SYT1: variants seen among roughly 807,000 people sequenced by gnomAD.
SYT1 encodes synaptotagmin 1.
Under a neutral mutation model 44.8 loss-of-function variants are expected in SYT1, and 8 were observed. The observed-to-expected ratio is 0.18, with a 90% CI of 0.10 to 0.32. The LOEUF is 0.32. Ranked by LOEUF, SYT1 falls within the 10% of genes least tolerant of loss-of-function variation. The probability of loss-of-function intolerance (pLI) is 1.00; values close to 1 mark genes in which losing one functional copy is unlikely to be tolerated. For missense variants in SYT1, 286 were observed against 509.3 expected (o/e 0.56, Z 4.22); for synonymous variants, 154 against 188.8 (o/e 0.82, Z 1.51).
At chr12:78,952,633 A>G (rs1228811632) in intron 1 of SYT1, among the ~76,000 whole-genome samples, 3 of 152,116 alleles carry the variant, frequency 2.0e-5, no homozygotes, top group African/African-American at 4.8e-5. Context: ...CAGTTTTGTC[A>G]TGTTTTAGGT....
chr12:78,938,698 C>A lies in SYT1; in HGVS notation c.-216-39101C>A, dbSNP rs148958168. On this transcript the variant is annotated intron_variant, in intron 1 of 10. Coordinates refer to ENST00000261205, the MANE Select transcript of SYT1 (RefSeq NM_005639.3). The stretch of plus-strand genomic sequence containing the variant: ...CATCATTCATGATTTACTCATAACA[C>A]AAATTAAAAAATAATTTTGAAATAA... 1.8e-3 allele frequency among the ~76,000 whole-genome samples: 277 copies of A among 152,208 alleles called. 1 individual carries two copies. The highest frequency in any genetic ancestry group is 0.017 in the Middle Eastern group (5 of 294).
At chr12:78,868,316 G>A (rs186213580) in intron 1 of SYT1, among the ~76,000 whole-genome samples, 343 of 152,024 alleles carry the variant, frequency 2.3e-3, no homozygotes, top group African/African-American at 7.7e-3. Flanking sequence ...TTCTGCCATT[G>A]TGTAATGTAG....
At chr12:79,068,412 T>C (rs1303180628) in intron 3 of SYT1, among the ~76,000 whole-genome samples, 1 of 152,154 alleles carries the variant, frequency 6.6e-6, no homozygotes, top group Non-Finnish European at 1.5e-5. Flanking sequence ...GAATTAATTA[T>C]AATTGGGCCT....
chr12:79,127,698 G>A (rs1393309260), intron 3 of SYT1, among the ~76,000 whole-genome samples: 1 of 152,190 alleles, frequency 6.6e-6, no homozygotes, highest in Non-Finnish European at 1.5e-5. Flanking sequence ...CTGCATTTGT[G>A]TGACTGTTTC....
At chr12:79,317,718 A>G (rs1881162170) in intron 8 of SYT1, among the ~76,000 whole-genome samples, 1 of 152,198 alleles carries the variant, frequency 6.6e-6, no homozygotes, top group Non-Finnish European at 1.5e-5. Context: ...ATTTACCAAC[A>G]ACAGCATAGG....
intron 2 of SYT1, among the ~76,000 whole-genome samples, chr12:79,040,086 G>T (rs922738187): frequency 4.3e-4 from 66 of 151,966 alleles, no homozygotes; most frequent in East Asian, 1.9e-3. Context: ...TAAACATACG[G>T]GTGCATGTGT....
chr12:78,902,237 T>TATAAAG (rs146916083), intron 1 of SYT1, among the ~76,000 whole-genome samples: 12,453 of 151,906 alleles, frequency 0.082, 592 homozygotes, highest in African/African-American at 0.13. Context: ...ATGCTGATCA[T>TATAAAG]ATAATCGCAA....
At chr12:79,266,603 G>T (rs1308649105) in intron 4 of SYT1, among the ~76,000 whole-genome samples, 2 of 152,244 alleles carry the variant, frequency 1.3e-5, no homozygotes, top group Admixed American at 6.5e-5. Context: ...AGACTGACAG[G>T]TATAGGGAAG....
chr12:79,070,402 AT>A (rs893263082), intron 3 of SYT1, among the ~76,000 whole-genome samples: 7 of 150,920 alleles, frequency 4.6e-5, no homozygotes, highest in East Asian at 3.9e-4. Context: ...TTTCAGGCTC[AT>A]TTTTTTTTAG....
At chr12:79,047,070 A>G (rs2137766434) in intron 2 of SYT1, among the ~76,000 whole-genome samples, 1 of 152,030 alleles carries the variant, frequency 6.6e-6, no homozygotes, top group East Asian at 1.9e-4. Context: ...AAATCAGTAT[A>G]TAAACTATCC....
chr12:79,033,862 C>T (rs780059831), intron 2 of SYT1, among the ~76,000 whole-genome samples: 60 of 151,498 alleles, frequency 4.0e-4, no homozygotes, highest in Non-Finnish European at 4.7e-4. Context: ...CTAGTACTTA[C>T]CTCTTCACTT....
chr12:78,950,710 T>A (rs1420906016), intron 1 of SYT1, among the ~76,000 whole-genome samples: 3 of 152,122 alleles, frequency 2.0e-5, no homozygotes, highest in Admixed American at 6.6e-5. Context: ...AATGTATGTA[T>A]ATTTATTTGA....
intron 2 of SYT1, among the ~76,000 whole-genome samples, chr12:79,043,756 G>T (rs537934759): frequency 2.0e-5 from 3 of 152,108 alleles, no homozygotes; most frequent in Non-Finnish European, 2.9e-5. Context: ...ATTTTGCAGC[G>T]GCTGGTGCCA....
intron 4 of SYT1, among the ~76,000 whole-genome samples, chr12:79,285,045 G>A (rs10778573): frequency 0.35 from 53,241 of 151,956 alleles, 9,695 homozygotes; most frequent in East Asian, 0.59. Flanking sequence ...CTAAGTGGCC[G>A]AAGCCAAAAT....
chr12:79,163,786 A>G (rs1871091349), intron 3 of SYT1, among the ~76,000 whole-genome samples: 1 of 152,134 alleles, frequency 6.6e-6, no homozygotes, highest in Non-Finnish European at 1.5e-5. Context: ...GCAGGCATGT[A>G]TCAAACCCTA....
chr12:79,342,764 A>C (rs1448370590), intron 8 of SYT1, among the ~76,000 whole-genome samples: 3 of 152,232 alleles, frequency 2.0e-5, no homozygotes, highest in Admixed American at 6.5e-5. Context: ...AACCCCTTGG[A>C]TGCTAATATC....
At chr12:79,266,973 C>T (rs528114553) in intron 4 of SYT1, among the ~76,000 whole-genome samples, 55 of 152,260 alleles carry the variant, frequency 3.6e-4, no homozygotes, top group African/African-American at 4.1e-4. Context: ...GACTCAAACG[C>T]CCTGTTCTTC....
At chr12:79,085,481 T>C (rs1565799201) in intron 3 of SYT1, among the ~76,000 whole-genome samples, 1 of 152,116 alleles carries the variant, frequency 6.6e-6, no homozygotes, top group Non-Finnish European at 1.5e-5. Flanking sequence ...ACTGGCCATG[T>C]CCCAGGGCAG....
chr12:79,050,501 C>G (rs1288897624), intron 3 of SYT1, among the ~76,000 whole-genome samples: 1 of 152,026 alleles, frequency 6.6e-6, no homozygotes, highest in Non-Finnish European at 1.5e-5. Context: ...CTTGTAAACT[C>G]TGATCACACT....
Sources: gnomAD v4.1 joint callset for allele counts (sites outside exome capture counted in the v4.1 genomes callset) on GRCh38, gnomAD v4.1.1 for gene constraint, MANE v1.5 for transcripts, NCBI Gene and HGNC (gene_info 2026-07-23, HGNC 2026-07-21) for gene names.